C3orf49: variants seen among roughly 807,000 people sequenced by gnomAD.
The protein encoded by C3orf49 is chromosome 3 open reading frame 49, also known as putative uncharacterized protein C3orf49.
C3orf49 carries 27 observed loss-of-function variants against 13.3 expected under a neutral mutation model. The observed-to-expected ratio is 2.02, with a 90% CI of 1.49 to 2.79. C3orf49 has a LOEUF of 2.79. Among genes scored for constraint, C3orf49 ranks in the 30% most tolerant of loss-of-function variants. The pLI is 0.00. For missense variants in C3orf49, 242 were observed against 134.2 expected, an observed-to-expected ratio of 1.80 and a Z score of -3.97; for synonymous variants, 87 against 47.6, an observed-to-expected ratio of 1.83 and a Z score of -3.40.
At chr3:63,801,796 A>G in the C3orf49 span, among the ~76,000 whole-genome samples, 11 of 142,598 alleles carry the variant, frequency 7.7e-5, no homozygotes, top group African/African-American at 3.0e-4. Flanking sequence ...ATCCACTTCA[A>G]GGAGCTCCCT....
chr3:63,834,078 T>C (rs1262164673), intron 5 of C3orf49: 4 of 1,576,012 alleles, frequency 2.5e-6, no homozygotes, highest in South Asian at 2.2e-5. Flanking sequence ...TTTAAACACA[T>C]TATGGTCATG....
the C3orf49 span, chr3:63,787,011 C>G: frequency 2.0e-5 from 3 of 152,198 alleles, no homozygotes; most frequent in African/African-American, 7.2e-5. Context: ...GTGCTATTTA[C>G]TTAACAATTG....
At chr3:63,829,285 T>C (rs138258551) in intron 3 of C3orf49, among the ~76,000 whole-genome samples, 44 of 152,300 alleles carry the variant, frequency 2.9e-4, no homozygotes, top group Non-Finnish European at 5.6e-4. Flanking sequence ...ATAGAGGAGA[T>C]AGACATTAAA....
upstream of C3orf49, among the ~76,000 whole-genome samples, chr3:63,816,056 T>G (rs1034872994): frequency 6.6e-6 from 1 of 151,640 alleles, no homozygotes; most frequent in African/African-American, 2.4e-5. Context: ...AGTGCCGGGA[T>G]TACAGGCATG....
intron 5 of C3orf49, chr3:63,836,221 C>A: frequency 1.5e-6 from 2 of 1,345,826 alleles, no homozygotes; most frequent in South Asian, 1.3e-5. Context: ...TTTATTTCTG[C>A]AAAAATGAAA....
chr3:63,836,451 C>T, intron 5 of C3orf49: 6 of 1,147,556 alleles, frequency 5.2e-6, no homozygotes, highest in Non-Finnish European at 7.7e-6. Context: ...CTCCTAATCA[C>T]TTTCCTAGTA....
At chr3:63,790,889 G>A in the C3orf49 span, among the ~76,000 whole-genome samples, 4 of 152,160 alleles carry the variant, frequency 2.6e-5, no homozygotes, top group Non-Finnish European at 5.9e-5. Context: ...TGGCAAGGAA[G>A]CCAAACAAAA....
chr3:63,831,002 G>A (rs1293605740), intron 3 of C3orf49, 108 bp from the exon 4 acceptor site: 1 of 615,632 alleles, frequency 1.6e-6, no homozygotes, highest in East Asian at 2.7e-5. Flanking sequence ...TGTGGCAAAT[G>A]TTCAGTTTAT....
chr3:63,785,323 C>T, the C3orf49 span, among the ~76,000 whole-genome samples: 198 of 151,914 alleles, frequency 1.3e-3, no homozygotes, highest in African/African-American at 4.2e-3. Flanking sequence ...CCACCTGCCA[C>T]GGCCTCTCAA....
upstream of C3orf49, among the ~76,000 whole-genome samples, chr3:63,816,627 C>G (rs947528631): frequency 3.3e-5 from 5 of 151,458 alleles, no homozygotes; most frequent in African/African-American, 9.7e-5. Context: ...CTCAACAACT[C>G]CCCATTGCTC....
At chr3:63,818,380 A>G (rs2107089257), upstream of C3orf49, among the ~76,000 whole-genome samples, 1 of 152,248 alleles carries the variant, frequency 6.6e-6, no homozygotes. Context: ...AGACCATTTT[A>G]AAGCTCTTTT....
chr3:63,796,399 C>T, the C3orf49 span, among the ~76,000 whole-genome samples: 1 of 152,100 alleles, frequency 6.6e-6, no homozygotes, highest in East Asian at 1.9e-4. Flanking sequence ...ATCCAGAATC[C>T]TTACCAATGT....
At chr3:63,814,788 C>T (rs1360496920), upstream of C3orf49, among the ~76,000 whole-genome samples, 2 of 152,128 alleles carry the variant, frequency 1.3e-5, no homozygotes, top group Non-Finnish European at 2.9e-5. Context: ...CAACTTAACA[C>T]CCCAACTGAG....
the C3orf49 span, among the ~76,000 whole-genome samples, chr3:63,809,543 T>C: frequency 4.6e-5 from 7 of 152,204 alleles, no homozygotes; most frequent in Non-Finnish European, 7.3e-5. Flanking sequence ...CAAAATCCTC[T>C]AAGAGCTTCT....
chr3:63,838,973 T>C (rs1178179055), intron 5 of C3orf49, among the ~76,000 whole-genome samples: 1 of 152,204 alleles, frequency 6.6e-6, no homozygotes, highest in Non-Finnish European at 1.5e-5. Context: ...GGCAGATCAC[T>C]TAATGCTAGA....
At chr3:63,845,377 G>A (rs1701868659) in intron 6 of C3orf49, among the ~76,000 whole-genome samples, 1 of 152,188 alleles carries the variant, frequency 6.6e-6, no homozygotes, top group African/African-American at 2.4e-5. Flanking sequence ...TCTCATGCAT[G>A]ATGCCATAAA....
At chr3:63,782,335 A>C in the C3orf49 span, 10 of 152,330 alleles carry the variant, frequency 6.6e-5, no homozygotes, top group South Asian at 2.1e-4. Flanking sequence ...CTTCTCAAAA[A>C]AAACAAACAA....
chr3:63,844,552 G>A (rs1161922315), intron 5 of C3orf49, among the ~76,000 whole-genome samples: 1 of 152,156 alleles, frequency 6.6e-6, no homozygotes, highest in Non-Finnish European at 1.5e-5. Context: ...ATTAACAGGG[G>A]GAACCTTGAA....
chr3:63,846,172 C>T (rs1701889741), intron 6 of C3orf49: 2 of 446,288 alleles, frequency 4.5e-6, no homozygotes, highest in African/African-American at 4.0e-5. Flanking sequence ...TATTTACAAT[C>T]TACTACTAAA....
Sources: allele counts gnomAD v4.1 joint callset (sites outside exome capture counted in the v4.1 genomes callset), GRCh38; gene constraint gnomAD v4.1.1; transcripts MANE v1.5; gene names NCBI Gene and HGNC (gene_info 2026-07-23, HGNC 2026-07-21).